The following SNX29 variants were observed in gnomAD, a reference collection of about 807,000 sequenced individuals.
SNX29 encodes the protein sorting nexin-29.
Under a neutral mutation model 102.1 loss-of-function variants are expected in SNX29, and 78 were observed. The ratio of observed to expected loss-of-function variants is 0.76; its 90% CI spans 0.64 to 0.92. The LOEUF (loss-of-function observed/expected upper bound fraction) is 0.92, where lower values mean the gene tolerates loss of function less well. Ranked by LOEUF, SNX29 falls within the 40% of genes least tolerant of loss-of-function variation. The pLI, the probability that SNX29 is intolerant of heterozygous loss-of-function variation, is 0.00. For synonymous variants in SNX29, 580 were observed against 414.5 expected (o/e 1.40, Z -4.85); for missense variants, 1,280 against 1,061.7 (o/e 1.21, Z -2.86).
chr16:12,157,392 G>C (rs1430868312), intron 13 of SNX29, among the ~76,000 whole-genome samples: 3 of 152,136 alleles, frequency 2.0e-5, no homozygotes, highest in African/African-American at 7.2e-5. Flanking sequence ...GAGGGCGAGA[G>C]GTGAGCCGAG....
chr16:12,307,007 G>A (rs574096674), intron 15 of SNX29, among the ~76,000 whole-genome samples: 3 of 152,196 alleles, frequency 2.0e-5, no homozygotes, highest in Non-Finnish European at 2.9e-5. Context: ...GGAGGGACCC[G>A]GAGTAGATGC....
At position 12,279,355 on chromosome 16, in the gene SNX29, G is replaced by A. The variant is rs376855416; in HGVS notation, c.1782+1319G>A. 2.0e-5 allele frequency among the ~76,000 whole-genome samples: 3 copies of A among 152,204 alleles called. No homozygotes were observed. In the East Asian group the frequency reaches 5.8e-4, roughly 29 times the overall value. The stretch of plus-strand genomic sequence containing the variant: ...TGGTCTCTAAATTGCCTCTAAAGAA[G>A]GAAGGTGGCTTTAGAAACAGCTTGC... On this transcript the variant is annotated intron_variant, in intron 15 of 20. Transcript: ENST00000566228.
At chr16:12,521,499 C>T (rs1209055879) in intron 19 of SNX29, among the ~76,000 whole-genome samples, 2 of 152,094 alleles carry the variant, frequency 1.3e-5, no homozygotes, top group Non-Finnish European at 2.9e-5. Context: ...AGCACCACCC[C>T]ACATATAGTA....
intron 14 of SNX29, among the ~76,000 whole-genome samples, chr16:12,206,430 T>G (rs1263885322): frequency 5.3e-5 from 8 of 151,810 alleles, no homozygotes; most frequent in Non-Finnish European, 1.2e-4. Context: ...TTTGCAGATT[T>G]CCGTGGTGTT....
At chr16:12,558,312 C>G (rs1344663605) in intron 20 of SNX29, among the ~76,000 whole-genome samples, 1 of 151,976 alleles carries the variant, frequency 6.6e-6, no homozygotes, top group African/African-American at 2.4e-5. Flanking sequence ...CCCTGGTCAC[C>G]TCAAGTGGCT....
At chr16:12,538,939 A>G (rs572313472) in intron 20 of SNX29, among the ~76,000 whole-genome samples, 1 of 152,312 alleles carries the variant, frequency 6.6e-6, no homozygotes, top group African/African-American at 2.4e-5. Context: ...GTGGGCATGT[A>G]GCAGTGCTGT....
chr16:12,086,341 T>A (rs8055516), intron 11 of SNX29, among the ~76,000 whole-genome samples: 35,498 of 152,040 alleles, frequency 0.23, 4,398 homozygotes, highest in South Asian at 0.34. Context: ...AGGAGACACG[T>A]TTCATTGTCA....
At chr16:11,977,722 G>A (rs1457358510) in intron 1 of SNX29, 1 of 152,412 alleles carries the variant, frequency 6.6e-6, no homozygotes, top group Non-Finnish European at 1.5e-5. Context: ...GTTTTCTGAA[G>A]TTTAGTCCCT....
chr16:12,003,087 AGGCGGCAGAAG>A, intron 3 of SNX29, 44 bp downstream of exon 3: 1 of 1,610,382 alleles, frequency 6.2e-7, no homozygotes, highest in South Asian at 1.1e-5. Flanking sequence ...GAGGTTGGAA[AGGCGGCAGAAG>A]GTGGCCGGCT....
chr16:12,548,564 A>C (rs8047212), intron 20 of SNX29, among the ~76,000 whole-genome samples: 128 of 152,254 alleles, frequency 8.4e-4, no homozygotes, highest in African/African-American at 2.9e-3. Context: ...ATTTTCTATG[A>C]TGCTGGCTTC....
chr16:12,037,198 C>T (rs1684756657), intron 4 of SNX29, among the ~76,000 whole-genome samples: 1 of 152,166 alleles, frequency 6.6e-6, no homozygotes, highest in African/African-American at 2.4e-5. Flanking sequence ...AGCTCTGCCA[C>T]TGGAGCAGAA....
intron 19 of SNX29, among the ~76,000 whole-genome samples, chr16:12,492,154 A>C (rs543564402): frequency 2.6e-5 from 4 of 152,296 alleles, no homozygotes; most frequent in African/African-American, 9.6e-5. Flanking sequence ...CAACAGTGTA[A>C]AAGTGTTCCT....
Position 12,148,951 on chromosome 16 carries a change from C to T in SNX29, c.1595+19193C>T, listed in dbSNP as rs1209369122. ...TCCTGACCTCAGGTGATCCACCTGCCTCAGCCTCCCAAAGTGCTGGGATTA... is the reference window on the plus strand; with the variant it reads ...TCCTGACCTCAGGTGATCCACCTGCTTCAGCCTCCCAAAGTGCTGGGATTA... On this transcript the variant is annotated intron_variant, in intron 13 of 20. Transcript: ENST00000566228. Among the ~76,000 whole-genome samples the T allele has an allele frequency of 3.3e-5, 5 of 152,126 alleles. No homozygotes were observed. In the East Asian group the frequency reaches 7.7e-4, roughly 23 times the overall value.
chr16:12,097,299 G>A (rs1456053106), intron 11 of SNX29, among the ~76,000 whole-genome samples: 1 of 152,230 alleles, frequency 6.6e-6, no homozygotes, highest in African/African-American at 2.4e-5. Context: ...GCCAGTGGCC[G>A]GTGGAGCTGG....
chr16:12,274,633 C>A (rs1295706590), intron 14 of SNX29, among the ~76,000 whole-genome samples: 3 of 151,798 alleles, frequency 2.0e-5, no homozygotes, highest in Non-Finnish European at 4.4e-5. Flanking sequence ...GCCTCCGAGG[C>A]TCAAGCGATC....
At chr16:12,317,860 C>T (rs546274356) in intron 15 of SNX29, among the ~76,000 whole-genome samples, 2 of 152,158 alleles carry the variant, frequency 1.3e-5, no homozygotes, top group African/African-American at 2.4e-5. Flanking sequence ...GGTGGGGGGT[C>T]GAAATGAGAT....
intron 20 of SNX29, among the ~76,000 whole-genome samples, chr16:12,557,130 G>A (rs893923919): frequency 8.6e-5 from 13 of 151,522 alleles, no homozygotes; most frequent in Admixed American, 4.6e-4. Context: ...ATTAGACACA[G>A]GAGTCACTGC....
chr16:12,174,512 T>G (rs745394758), intron 13 of SNX29, among the ~76,000 whole-genome samples: 69 of 152,272 alleles, frequency 4.5e-4, no homozygotes, highest in Non-Finnish European at 7.9e-4. Context: ...GTAGGGAGAT[T>G]TATCATGGGA....
intron 16 of SNX29, among the ~76,000 whole-genome samples, chr16:12,393,408 G>GCATT (rs879644508): frequency 2.6e-3 from 359 of 138,178 alleles, no homozygotes; most frequent in Non-Finnish European, 3.5e-3. Context: ...ATGCATGCAT[G>GCATT]CATGCATTCA....
Sources: gnomAD v4.1 joint callset for allele counts (sites outside exome capture counted in the v4.1 genomes callset) on GRCh38, gnomAD v4.1.1 for gene constraint, MANE v1.5 for transcripts, NCBI Gene and HGNC (gene_info 2026-07-23, HGNC 2026-07-21) for gene names.